FCN1: variants seen among roughly 807,000 people sequenced by gnomAD.
FCN1 encodes ficolin 1.
FCN1 carries 42 observed loss-of-function variants against 35.6 expected under a neutral mutation model. That is an observed-to-expected ratio of 1.18 (90% CI 0.92 to 1.53). FCN1 has a LOEUF of 1.53. Ranked by LOEUF, FCN1 falls within the 40% of genes most tolerant of loss-of-function variation. The pLI is 0.00. For synonymous variants in FCN1, 179 were observed against 169.8 expected (o/e 1.05, Z -0.42); for missense variants, 439 against 428.4 (o/e 1.02, Z -0.22).
At position 134,908,930 on chromosome 9, in the gene FCN1, C is replaced by T. The variant is rs551317373; in HGVS notation, c.*868G>A. On this transcript the variant is annotated 3_prime_UTR_variant, in exon 9 of 9. Coordinates refer to ENST00000371806, the MANE Select transcript of FCN1 (RefSeq NM_002003.5). Reference sequence around the variant, plus strand: ...TTCCTTTGGTTCCCTTAGTGTCCTTCGGTAAGTGGGAGCTCTTGATTTGAA... The same window carrying T: ...TTCCTTTGGTTCCCTTAGTGTCCTTTGGTAAGTGGGAGCTCTTGATTTGAA... 4 of 264,022 alleles carry T rather than the reference C, an allele frequency of 1.5e-5. No homozygotes were observed. The highest frequency in any genetic ancestry group is 3.0e-5 in the Non-Finnish European group (4 of 133,778). The allele number at this position is 264,022 out of a possible 1,614,324, so 16.4% of individuals were successfully genotyped here.
chr9:134,912,739 C>A, intron 6 of FCN1, 124 bp from the exon 7 acceptor site: 1 of 1,334,384 alleles, frequency 7.5e-7, no homozygotes, highest in Non-Finnish European at 1.0e-6. Flanking sequence ...GCCACACGCA[C>A]GCCCATCTGG....
At chr9:134,910,306 C>A (rs1105325) in intron 8 of FCN1, among the ~76,000 whole-genome samples, 2 of 151,860 alleles carry the variant, frequency 1.3e-5, no homozygotes, top group African/African-American at 4.8e-5. Flanking sequence ...CTCCCGCAAA[C>A]TGTCAGGCCT....
At position 134,914,373 on chromosome 9, in the gene FCN1, C is replaced by T. The variant is rs769793772; in HGVS notation, c.307+12G>A. The stretch of plus-strand genomic sequence containing the variant: ...CTGCAGAGACAACTGCCTGGGCCCA[C>T]GGGTGGCTCACCTTTCTCTCCACGC... On this transcript the variant is annotated intron_variant, in intron 4 of 8. Transcript: ENST00000371806. 3.0e-5 allele frequency: 49 copies of T among 1,613,512 alleles called. No individual in the cohort carries two copies. The highest frequency in any genetic ancestry group is 6.7e-5 in the African/African-American group (5 of 74,902).
At chr9:134,910,090 T>C in intron 8 of FCN1, 45 bp from the exon 9 acceptor site, 3 of 1,569,856 alleles carry the variant, frequency 1.9e-6, no homozygotes, top group South Asian at 1.1e-5. Context: ...GAAAAAGCCC[T>C]GCCACTGTGA....
At chr9:134,916,521 T>G (rs1588153999) in intron 1 of FCN1, 60 bp from the exon 2 acceptor site, 1 of 1,498,174 alleles carries the variant, frequency 6.7e-7, no homozygotes, top group South Asian at 1.1e-5. Context: ...GGAAGTGAGG[T>G]TTTCTGCTCT....
At chr9:134,910,707 G>A (rs1230148062) in intron 8 of FCN1, among the ~76,000 whole-genome samples, 6 of 152,174 alleles carry the variant, frequency 3.9e-5, no homozygotes, top group African/African-American at 1.4e-4. Context: ...TTTCACGAAC[G>A]ATGTGCACTG....
In FCN1 at chr9:134,908,811, G is replaced by A. The variant is rs560010708; in HGVS notation, c.*987C>T. On this transcript the variant is annotated 3_prime_UTR_variant, in exon 9 of 9. Transcript: ENST00000371806. ...CTGAGCCAGGAGGTGGCGAGTTCTT[G>A]TTGTTTCAAGCCACTCCATTTGTGG... is the stretch of plus-strand genomic sequence containing the variant. 22 of 189,396 alleles carry A rather than the reference G, an allele frequency of 1.2e-4. No individual in the cohort carries two copies. Among genetic ancestry groups the A allele is most frequent in the Non-Finnish European group, 2.4e-4 (22 of 90,626 alleles). 11.7% of individuals were successfully genotyped at this position (189,396 alleles called of 1,614,324 possible).
chr9:134,909,961 T>G lies in FCN1; in HGVS notation c.818A>C (p.Lys273Thr). Residue 273 changes from lysine (K) to threonine (T), a missense_variant, in exon 9 of 9, where the codon AAG (lysine) becomes ACG (threonine). Coordinates refer to ENST00000371806, the MANE Select transcript of FCN1 (RefSeq NM_002003.5). The stretch of plus-strand genomic sequence containing the variant: ...GGCGTACCACCAGGCTCCTTGGAAC[T>G]TCTCAGCACAATTCGAAGAACTCAC... ...NDVSSSNCAE[K>T]FQGAWWYADC... is the part of the protein sequence containing the mutation. The G allele has an allele frequency of 6.2e-7, 1 of 1,614,180 alleles. No individual in the cohort carries two copies. Among genetic ancestry groups the G allele is most frequent in the Non-Finnish European group, 8.5e-7 (1 of 1,180,008 alleles).
rs1418831086 is a variant in FCN1, at chr9:134,916,436, G to T, written c.129C>A (p.Gly43=). The T allele has an allele frequency of 3.1e-6, 5 of 1,614,218 alleles. No homozygotes were observed. The East Asian group carries it at 8.9e-5, about 29-fold the overall frequency. ...CTCGGAGAATGGTGAGCTTGTCAGAGCCCTCCAGGCCCACCACCTTCACCT... is the reference window on the plus strand; with the variant it reads ...CTCGGAGAATGGTGAGCTTGTCAGATCCCTCCAGGCCCACCACCTTCACCT... The part of the protein sequence containing the change: ...CPEVKVVGLE[G]SDKLTILRGC... The change falls in exon 2 of 9, where the codon GGC becomes GGA. Residue 43 remains glycine, a synonymous_variant. Coordinates refer to ENST00000371806, the MANE Select transcript of FCN1 (RefSeq NM_002003.5).
chr9:134,909,352 G>A lies in FCN1; in HGVS notation c.*446C>T, dbSNP rs977441567. On this transcript the variant is annotated 3_prime_UTR_variant, in exon 9 of 9. Transcript: ENST00000371806. ...AAGTGTTGTGAGTGAGGCATGGGGG[G>A]ATGGGGGAGGCTTGGGGGTGGAGGT... 5 of 1,286,530 alleles carry A rather than the reference G, an allele frequency of 3.9e-6. No homozygotes were observed. Among genetic ancestry groups the A allele is most frequent in the Middle Eastern group, 2.1e-4 (1 of 4,686 alleles). The allele number at this position is 1,286,530 out of a possible 1,614,324, so 79.7% of individuals were successfully genotyped here. A position where few individuals can be genotyped will look rare whatever the true frequency, so the allele number is the denominator to read the frequency against.
chr9:134,914,830 T>C (rs1378362556), intron 2 of FCN1, 21 bp from the exon 3 acceptor site: 2 of 1,603,806 alleles, frequency 1.2e-6, no homozygotes, highest in East Asian at 2.2e-5. Context: ...CAAAGACATA[T>C]CACTGAGAAA....
rs1273517917 is a variant in FCN1 at position 134,905,272 on chromosome 9, C to A, written c.*4526G>T. ...AACACTATGTGGATGTCCACGAATGCCCAAATGTTGCTGGATGGGCCCACG... is the reference window on the plus strand; with the variant it reads ...AACACTATGTGGATGTCCACGAATGACCAAATGTTGCTGGATGGGCCCACG... On this transcript the variant is annotated 3_prime_UTR_variant, in exon 9 of 9. Coordinates refer to ENST00000371806, the MANE Select transcript of FCN1 (RefSeq NM_002003.5). 6.6e-6 allele frequency among the ~76,000 whole-genome samples: 1 copy of A among 152,118 alleles called. No homozygotes were observed. Among genetic ancestry groups the A allele is most frequent in the Non-Finnish European group, 1.5e-5 (1 of 68,028 alleles).
In FCN1 at chr9:134,905,116, A is replaced by T. The variant is rs1261941814; in HGVS notation, c.*4682T>A. Among the ~76,000 whole-genome samples, 1 of 152,244 alleles carries T rather than the reference A, an allele frequency of 6.6e-6. No homozygotes were observed. Among genetic ancestry groups the T allele is most frequent in the East Asian group, 1.9e-4 (1 of 5,198 alleles). On this transcript the variant is annotated 3_prime_UTR_variant, in exon 9 of 9. Coordinates refer to ENST00000371806, the MANE Select transcript of FCN1 (RefSeq NM_002003.5). Reference sequence around the variant, plus strand: ...TAAAAAATCAAGGCTATATATTGCAATCGCAAGCATAAACACCAAAAGATA... The same window carrying T: ...TAAAAAATCAAGGCTATATATTGCATTCGCAAGCATAAACACCAAAAGATA...
At chr9:134,911,312 G>A (rs1160981178) in intron 7 of FCN1, 45 bp from the exon 8 acceptor site, 8 of 1,578,130 alleles carry the variant, frequency 5.1e-6, no homozygotes, top group Non-Finnish European at 6.1e-6. Flanking sequence ...AGATCTTTCT[G>A]TCACCAGGCA....
At position 134,917,832 on chromosome 9, in the gene FCN1, C is replaced by T. The variant is rs138985629; in HGVS notation, c.40G>A (p.Val14Ile). The T allele has an allele frequency of 6.2e-7, 1 of 1,614,008 alleles. No individual in the cohort carries two copies. Among genetic ancestry groups the T allele is most frequent in the East Asian group, 2.2e-5 (1 of 44,888 alleles). ...SGATMARGLA[V>I]LLVLFLHIKN... ...ATATGCAGGAACAAGACTAGCAGGA[C>T]AGCGAGCCCCCGGGCCATGGTGGCT... The change falls in exon 1 of 9, where the codon GTC (valine) becomes ATC (isoleucine). Residue 14 changes from valine to isoleucine, a missense_variant. Transcript: ENST00000371806.
Position 134,917,393 on chromosome 9 carries a change from A to AC in FCN1, c.103+375dup, listed in dbSNP as rs918706963. ...AGCCAGAAATCTGCCTTTTTAACAA[A>AC]CCCCCCAAGTCCGTGTGGCAGCCAC... On this transcript the variant is annotated intron_variant, in intron 1 of 8. Transcript: ENST00000371806. Among the ~76,000 whole-genome samples, 5 of 151,064 alleles carry AC rather than the reference A, an allele frequency of 3.3e-5. No homozygotes were observed. The East Asian group carries it at 7.8e-4, about 23-fold the overall frequency.
rs543303259 is a variant in FCN1, at chr9:134,912,086, G to A, written c.598+400C>T. Among the ~76,000 whole-genome samples, 28 of 152,332 alleles carry A rather than the reference G, an allele frequency of 1.8e-4. No individual in the cohort carries two copies. The South Asian group carries it at 5.0e-3, about 27-fold the overall frequency. On this transcript the variant is annotated intron_variant, in intron 7 of 8. Transcript: ENST00000371806. The stretch of plus-strand genomic sequence containing the variant: ...GAGGCCCTCTCACTCAGGTGAGTGC[G>A]GCTGTGGGGGGCCTGCTGAGGCGTG...
chr9:134,914,788 G>T lies in FCN1; in HGVS notation c.239C>A (p.Ala80Asp), dbSNP rs759096787. 3.7e-6 allele frequency: 6 copies of T among 1,612,628 alleles called. No homozygotes were observed. The highest frequency in any genetic ancestry group is 1.3e-5 in the African/African-American group (1 of 74,914). The change falls in exon 3 of 9, where the codon GCC (alanine) becomes GAC (aspartate). Residue 80 changes from alanine (A) to aspartate (D), a missense_variant. Physicochemically the swap from Ala to Asp is moderately radical, Grantham distance 126. Transcript: ENST00000371806. ...CCCCACTGGTCCTGCCTTTCCAGGG[G>T]CTCCAGGGAGACCGCGTTCTCCTGA... ...GERGERGLPG[A>D]PGKAGPVGPK...
intron 8 of FCN1, among the ~76,000 whole-genome samples, chr9:134,910,541 T>C (rs1304218062): frequency 6.6e-6 from 1 of 152,198 alleles, no homozygotes; most frequent in East Asian, 1.9e-4. Flanking sequence ...TGACCTTCCC[T>C]GCCCTGCTGC....
Sources: allele counts gnomAD v4.1 joint callset (sites outside exome capture counted in the v4.1 genomes callset), GRCh38; gene constraint gnomAD v4.1.1; transcripts MANE v1.5; gene names NCBI Gene and HGNC (gene_info 2026-07-23, HGNC 2026-07-21).